The following PAPPA variants were observed in gnomAD, a reference collection of about 807,000 sequenced individuals.
PAPPA encodes pappalysin-1.
PAPPA carries 60 observed loss-of-function variants against 164.0 expected under a neutral mutation model. That is an observed-to-expected ratio of 0.37 (90% CI 0.30 to 0.45). The LOEUF (loss-of-function observed/expected upper bound fraction) is 0.45. Ranked by LOEUF, PAPPA falls within the 20% of genes least tolerant of loss-of-function variation. PAPPA has a pLI of 1.00. For synonymous variants in PAPPA, 875 were observed against 814.1 expected (o/e 1.07, Z -1.27); for missense variants, 1,782 against 2,087.3 (o/e 0.85, Z 2.85).
intron 1 of PAPPA, among the ~76,000 whole-genome samples, chr9:116,170,233 T>C (rs983319512): frequency 1.3e-5 from 2 of 152,274 alleles, no homozygotes; most frequent in Admixed American, 6.5e-5. Flanking sequence ...ATGAACACTA[T>C]AGGGGATCTG....
intron 12 of PAPPA, among the ~76,000 whole-genome samples, chr9:116,334,245 A>G (rs1275041838): frequency 6.6e-6 from 1 of 150,818 alleles, no homozygotes; most frequent in Non-Finnish European, 1.5e-5. Flanking sequence ...CATTAAAAAA[A>G]AAAAAAAAAA....
At chr9:116,311,259 T>G (rs1463422624) in intron 10 of PAPPA, among the ~76,000 whole-genome samples, 1 of 152,112 alleles carries the variant, frequency 6.6e-6, no homozygotes, top group African/African-American at 2.4e-5. Flanking sequence ...CTTGTGAATC[T>G]TCTGGGTCCA....
At chr9:116,278,653 C>CA (rs1845230325) in intron 9 of PAPPA, among the ~76,000 whole-genome samples, 1 of 135,982 alleles carries the variant, frequency 7.4e-6, no homozygotes, top group African/African-American at 3.0e-5. Context: ...GTAGCCAAAT[C>CA]GTTTTTTTTT....
Position 116,346,708 on chromosome 9 carries a change from A to G in PAPPA, c.3781-318A>G, listed in dbSNP as rs80221499. Among the ~76,000 whole-genome samples, 648 of 152,316 alleles carry G rather than the reference A, an allele frequency of 4.3e-3. 2 individuals carry two copies. Among genetic ancestry groups the G allele is most frequent in the Non-Finnish European group, 6.5e-3 (442 of 68,024 alleles). The stretch of plus-strand genomic sequence containing the variant: ...CAAGATTCTCATCAATAAAATGGAA[A>G]TCGTGATCTGGGAGGCACTATAGAC... On this transcript the variant is annotated intron_variant, in intron 14 of 21. Coordinates refer to ENST00000328252, the MANE Select transcript of PAPPA (RefSeq NM_002581.5).
rs1843573887 is a variant in PAPPA at position 116,154,368 on chromosome 9, G to A, written c.196G>A (p.Gly66Ser). The change falls in exon 1 of 22, where the codon GGC becomes AGC. Residue 66 changes from glycine (G) to serine (S), a missense_variant. By Grantham distance (56) the Gly-to-Ser change is moderately conservative. Around this residue, in one of 2 missense-constraint regions of PAPPA, gnomAD observed 458 missense variants for 430.3 expected, o/e 1.06. Transcript: ENST00000328252. This position sits in a 1 kb window ranked among gnomAD's most constrained non-coding sequence, Gnocchi z 5.2. ...RASPPPPPPP[G>S]GAWEAVRVPR... ...CTCGCCGCCGCCGCCGCCGCCGCCG[G>A]GCGGTGCCTGGGAAGCCGTGCGCGT... 2.1e-6 allele frequency: 2 copies of A among 961,970 alleles called. No homozygotes were observed. The highest frequency in any genetic ancestry group is 3.7e-5 in the African/African-American group (2 of 54,400). The allele number at this position is 961,970 out of a possible 1,614,324, so 59.6% of individuals were successfully genotyped here.
At chr9:116,382,534 C>A in intron 21 of PAPPA, 41 bp downstream of exon 21, 2 of 1,211,148 alleles carry the variant, frequency 1.7e-6, no homozygotes, top group African/African-American at 3.0e-5. Flanking sequence ...CTCCTGCCCA[C>A]TTCTCCAGCT....
At chr9:116,305,344 T>C (rs946799427) in intron 10 of PAPPA, among the ~76,000 whole-genome samples, 2 of 152,146 alleles carry the variant, frequency 1.3e-5, no homozygotes, top group Non-Finnish European at 2.9e-5. Context: ...AGTGAAGATG[T>C]TGATAGCTTG....
intron 10 of PAPPA, among the ~76,000 whole-genome samples, chr9:116,311,537 T>C (rs1454923509): frequency 6.6e-6 from 1 of 152,184 alleles, no homozygotes; most frequent in Non-Finnish European, 1.5e-5. Flanking sequence ...AAAAACATTG[T>C]AGTGTAGCCA....
intron 2 of PAPPA, among the ~76,000 whole-genome samples, chr9:116,201,866 C>G (rs915059201): frequency 3.3e-5 from 5 of 152,278 alleles, no homozygotes; most frequent in Middle Eastern, 3.4e-3. Flanking sequence ...AAAAGTGGCC[C>G]ACTCTTGGCC....
At chr9:116,275,937 C>T (rs1334282481) in intron 9 of PAPPA, among the ~76,000 whole-genome samples, 1 of 152,200 alleles carries the variant, frequency 6.6e-6, no homozygotes, top group East Asian at 1.9e-4. Flanking sequence ...CCCTGGTGCC[C>T]TCATCCCCCA....
intron 1 of PAPPA, among the ~76,000 whole-genome samples, chr9:116,179,900 T>G (rs1261055037): frequency 6.6e-6 from 1 of 152,118 alleles, no homozygotes; most frequent in Non-Finnish European, 1.5e-5. Flanking sequence ...AGCTCCAACC[T>G]TTAGCTTTTA....
chr9:116,388,911 TAAGAA>T (rs1163061142), intron 21 of PAPPA, among the ~76,000 whole-genome samples: 2 of 152,228 alleles, frequency 1.3e-5, no homozygotes, highest in African/African-American at 2.4e-5. Flanking sequence ...CATGGTTTCT[TAAGAA>T]AAGACATTAT....
chr9:116,167,022 C>A (rs1051356059), intron 1 of PAPPA, among the ~76,000 whole-genome samples: 11 of 152,140 alleles, frequency 7.2e-5, no homozygotes, highest in African/African-American at 2.7e-4. Flanking sequence ...TATAAGATTT[C>A]AAAAAGATTG....
chr9:116,227,332 G>A (rs989808336), intron 5 of PAPPA, 99 bp from the exon 6 acceptor site: 36 of 1,250,314 alleles, frequency 2.9e-5, no homozygotes, highest in Admixed American at 2.9e-4. Flanking sequence ...ACACAGATTT[G>A]TTGTGTCCTC....
At chr9:116,317,779 G>T (rs1254525569) in intron 10 of PAPPA, among the ~76,000 whole-genome samples, 1 of 152,246 alleles carries the variant, frequency 6.6e-6, no homozygotes, top group Middle Eastern at 3.4e-3. Context: ...ATTTTCTACT[G>T]CTGGCAATAG....
chr9:116,189,056 AG>A (rs1390648351), intron 2 of PAPPA, among the ~76,000 whole-genome samples: 1 of 152,220 alleles, frequency 6.6e-6, no homozygotes, highest in Non-Finnish European at 1.5e-5. Flanking sequence ...TGACTATATC[AG>A]GGAAGCCTTC....
intron 1 of PAPPA, among the ~76,000 whole-genome samples, chr9:116,176,378 A>G (rs2118601361): frequency 6.6e-6 from 1 of 152,360 alleles, no homozygotes. Flanking sequence ...CACAGGCTGT[A>G]TAAGGGAGCA....
At chr9:116,320,899 G>A (rs370597548) in intron 10 of PAPPA, among the ~76,000 whole-genome samples, 44 of 152,282 alleles carry the variant, frequency 2.9e-4, no homozygotes, top group African/African-American at 9.9e-4. Context: ...AAGATCTCAG[G>A]TAGGAGAGGT....
chr9:116,154,775 C>T lies in PAPPA; in HGVS notation c.415+188C>T, dbSNP rs1387748784. On this transcript the variant is annotated intron_variant, in intron 1 of 21. Transcript: ENST00000328252. The surrounding 1 kb of genome is among the most constrained non-coding windows in gnomAD (Gnocchi z 5.2). ...CTTTGCTCCATCGGTGGAATGGGCA[C>T]ACTCGGAAGGCGTAGCTGCTCCATC... Among the ~76,000 whole-genome samples, 1 of 152,152 alleles carries T rather than the reference C, an allele frequency of 6.6e-6. No individual in the cohort carries two copies. The highest frequency in any genetic ancestry group is 1.5e-5 in the Non-Finnish European group (1 of 68,034).
Sources: allele counts gnomAD v4.1 joint callset (sites outside exome capture counted in the v4.1 genomes callset), GRCh38; gene constraint gnomAD v4.1.1; regional missense constraint gnomAD v4.1.1; non-coding constraint Gnocchi (gnomAD v3.1); transcripts MANE v1.5; gene names NCBI Gene and HGNC (gene_info 2026-07-23, HGNC 2026-07-21).